The following PRELID2 variants were observed in gnomAD, a reference collection of about 807,000 sequenced individuals.
The protein encoded by PRELID2 is PRELI domain-containing protein 2.
Under a neutral mutation model 28.4 loss-of-function variants are expected in PRELID2, and 25 were observed. That is an observed-to-expected ratio of 0.88 (90% CI 0.64 to 1.23). The LOEUF (loss-of-function observed/expected upper bound fraction) is 1.23. Among genes scored for constraint, PRELID2 ranks in the 50% most tolerant of loss-of-function variants. PRELID2 has a pLI of 0.00. For synonymous variants in PRELID2, 76 were observed against 71.6 expected (o/e 1.06, Z -0.31); for missense variants, 201 against 214.4 (o/e 0.94, Z 0.39).
At chr5:145,405,483 G>A in the PRELID2 span, among the ~76,000 whole-genome samples, 4 of 152,214 alleles carry the variant, frequency 2.6e-5, no homozygotes, top group South Asian at 6.2e-4. Flanking sequence ...ACATATAAGT[G>A]AGATCATGCA....
At chr5:145,564,019 A>T (rs1192435329) in intron 1 of PRELID2, among the ~76,000 whole-genome samples, 4 of 152,210 alleles carry the variant, frequency 2.6e-5, no homozygotes, top group African/African-American at 9.6e-5. Context: ...TCAAAACATC[A>T]TGTTGTGCAA....
At chr5:145,436,010 G>A in the PRELID2 span, among the ~76,000 whole-genome samples, 1 of 152,030 alleles carries the variant, frequency 6.6e-6, no homozygotes, top group Admixed American at 6.5e-5. Flanking sequence ...GTGTCACAGG[G>A]GTTTAGTGTA....
chr5:145,416,937 A>T, the PRELID2 span, among the ~76,000 whole-genome samples: 1 of 152,036 alleles, frequency 6.6e-6, no homozygotes, highest in African/African-American at 2.4e-5. Context: ...AGCAAAAGCA[A>T]GTTAGTTACA....
the PRELID2 span, among the ~76,000 whole-genome samples, chr5:145,395,195 G>A: frequency 8.6e-5 from 13 of 151,696 alleles, no homozygotes; most frequent in African/African-American, 1.7e-4. Context: ...AACAGAACTC[G>A]CCTAGAACTG....
chr5:145,284,421 G>T, the PRELID2 span, among the ~76,000 whole-genome samples: 2 of 152,094 alleles, frequency 1.3e-5, no homozygotes, highest in Non-Finnish European at 2.9e-5. Flanking sequence ...TTTTCTGTAT[G>T]TTAAATTTCA....
the PRELID2 span, among the ~76,000 whole-genome samples, chr5:145,300,666 A>G: frequency 1.4e-4 from 21 of 151,498 alleles, no homozygotes; most frequent in South Asian, 4.4e-3. Flanking sequence ...AAGTAACATT[A>G]TAACTACTAA....
chr5:145,513,102 C>T (rs926383170), intron 1 of PRELID2, among the ~76,000 whole-genome samples: 1 of 151,952 alleles, frequency 6.6e-6, no homozygotes, highest in Non-Finnish European at 1.5e-5. Flanking sequence ...CACGACTCCT[C>T]GCCAGCAAGG....
the PRELID2 span, among the ~76,000 whole-genome samples, chr5:145,238,282 C>A: frequency 6.6e-6 from 1 of 152,102 alleles, no homozygotes; most frequent in Non-Finnish European, 1.5e-5. Context: ...ATTGTTATCC[C>A]CATTTCACAG....
intron 1 of PRELID2, among the ~76,000 whole-genome samples, chr5:145,582,808 C>T (rs562926343): frequency 6.6e-6 from 1 of 152,088 alleles, no homozygotes; most frequent in Admixed American, 6.5e-5. Flanking sequence ...TAATAAATAG[C>T]TTACTAACCA....
downstream of PRELID2, among the ~76,000 whole-genome samples, chr5:145,469,756 G>A (rs902491803): frequency 5.9e-5 from 9 of 152,168 alleles, no homozygotes; most frequent in African/African-American, 2.2e-4. Flanking sequence ...TGCAACCTCT[G>A]GCTCGATCAA....
chr5:145,786,057 C>A (rs1464461787), intron 5 of PRELID2, among the ~76,000 whole-genome samples: 2 of 152,152 alleles, frequency 1.3e-5, no homozygotes, highest in African/African-American at 2.4e-5. Context: ...AAATAAATAA[C>A]TAATAAATGT....
At chr5:145,701,681 C>A (rs972645381) in intron 1 of PRELID2, among the ~76,000 whole-genome samples, 3 of 152,162 alleles carry the variant, frequency 2.0e-5, no homozygotes, top group African/African-American at 7.2e-5. Flanking sequence ...AAATCATTAT[C>A]TTTTTAATGA....
chr5:145,628,678 C>A (rs1260817786), intron 1 of PRELID2, among the ~76,000 whole-genome samples: 4 of 152,114 alleles, frequency 2.6e-5, no homozygotes, highest in African/African-American at 9.7e-5. Flanking sequence ...GAAGAAATAA[C>A]CCCTTTATCA....
chr5:145,508,295 G>GATAGATAGATAT (rs1580962365), intron 1 of PRELID2, among the ~76,000 whole-genome samples: 1 of 149,968 alleles, frequency 6.7e-6, no homozygotes, highest in African/African-American at 2.5e-5. Flanking sequence ...TAGATAGATA[G>GATAGATAGATAT]ATTAAAAAAT....
At chr5:145,774,800 C>T (rs1758314245) in intron 5 of PRELID2, among the ~76,000 whole-genome samples, 1 of 152,206 alleles carries the variant, frequency 6.6e-6, no homozygotes, top group African/African-American at 2.4e-5. Context: ...AACTAATTAG[C>T]AAGCAAGCTA....
chr5:145,379,274 T>C, the PRELID2 span, among the ~76,000 whole-genome samples: 1 of 152,188 alleles, frequency 6.6e-6, no homozygotes, highest in Non-Finnish European at 1.5e-5. Flanking sequence ...TGTTTCATAG[T>C]GCAGTGACAG....
At chr5:145,334,949 T>C in the PRELID2 span, among the ~76,000 whole-genome samples, 665 of 152,238 alleles carry the variant, frequency 4.4e-3, 3 homozygotes, top group Middle Eastern at 0.024. Flanking sequence ...ATAATATATC[T>C]TGGTGTTACG....
chr5:145,800,753 G>A (rs888368193), intron 4 of PRELID2, among the ~76,000 whole-genome samples: 3 of 152,136 alleles, frequency 2.0e-5, no homozygotes, highest in African/African-American at 4.8e-5. Flanking sequence ...CGAGATGAGA[G>A]TTTATCCTAC....
chr5:145,652,970 G>C, intron 1 of PRELID2, among the ~76,000 whole-genome samples: 1 of 152,192 alleles, frequency 6.6e-6, no homozygotes, highest in African/African-American at 2.4e-5. Context: ...TGGATAAAGA[G>C]TCAAGACCCA....
Sources: gnomAD v4.1 joint callset for allele counts (sites outside exome capture counted in the v4.1 genomes callset) on GRCh38, gnomAD v4.1.1 for gene constraint, MANE v1.5 for transcripts, NCBI Gene and HGNC (gene_info 2026-07-23, HGNC 2026-07-21) for gene names.